Variants in RYR2 observed in about 807,000 individuals in gnomAD.
RYR2 encodes ryanodine receptor 2, also known as cardiac muscle ryanodine receptor-calcium release channel.
Under a neutral mutation model 601.1 loss-of-function variants are expected in RYR2, and 227 were observed. That is an observed-to-expected ratio of 0.38 (90% CI 0.34 to 0.42). RYR2 has a LOEUF of 0.42. Among genes scored for constraint, RYR2 ranks in the 10% least tolerant of loss-of-function variants. The pLI is 1.00. For missense variants in RYR2, 4,646 were observed against 6,156.5 expected (o/e 0.75, Z 8.21); for synonymous variants, 2,223 against 2,175.1 (o/e 1.02, Z -0.61).
intron 29 of RYR2, among the ~76,000 whole-genome samples, chr1:237,572,838 T>C (rs1488272071): frequency 1.3e-5 from 2 of 152,162 alleles, no homozygotes; most frequent in African/African-American, 2.4e-5. Flanking sequence ...TTTTTGGTAC[T>C]GGAATATCTC....
chr1:237,083,076 C>G (rs1297509033), intron 1 of RYR2, among the ~76,000 whole-genome samples: 1 of 152,138 alleles, frequency 6.6e-6, no homozygotes, highest in Admixed American at 6.6e-5. Context: ...CAGTATGGGC[C>G]CACTGTTGCC....
intron 2 of RYR2, among the ~76,000 whole-genome samples, chr1:237,309,008 G>A (rs1319819869): frequency 2.6e-5 from 4 of 152,222 alleles, no homozygotes; most frequent in African/African-American, 9.6e-5. Context: ...ACAGAGCACT[G>A]ATTGGTGCAT....
At chr1:237,569,050 T>C (rs1672384516) in intron 28 of RYR2, 95 bp from the exon 29 acceptor site, 2 of 1,063,688 alleles carry the variant, frequency 1.9e-6, no homozygotes, top group African/African-American at 1.6e-5. Context: ...GTTGTGTTGA[T>C]AGAAGGGACT....
At chr1:237,813,853 A>C (rs914793442) in intron 100 of RYR2, among the ~76,000 whole-genome samples, 1 of 152,198 alleles carries the variant, frequency 6.6e-6, no homozygotes, top group Non-Finnish European at 1.5e-5. Context: ...TAAACTTACT[A>C]TCTTGTCTTT....
At chr1:237,608,265 C>T (rs980083936) in intron 35 of RYR2, among the ~76,000 whole-genome samples, 9 of 152,164 alleles carry the variant, frequency 5.9e-5, no homozygotes, top group Non-Finnish European at 8.8e-5. Context: ...TTTTAGTAGA[C>T]GCCAAGCGAG....
chr1:237,413,376 T>C (rs1704626890), intron 10 of RYR2, among the ~76,000 whole-genome samples: 1 of 152,300 alleles, frequency 6.6e-6, no homozygotes, highest in South Asian at 2.1e-4. Context: ...TCATGTAAAA[T>C]TTTAATAAAA....
intron 2 of RYR2, among the ~76,000 whole-genome samples, chr1:237,272,295 G>T (rs951992578): frequency 6.6e-6 from 1 of 151,482 alleles, no homozygotes; most frequent in Non-Finnish European, 1.5e-5. Context: ...AGGGGCGATA[G>T]AGGCAAAGGA....
chr1:237,486,495 A>C (rs1252147134), intron 17 of RYR2, among the ~76,000 whole-genome samples: 1 of 151,964 alleles, frequency 6.6e-6, no homozygotes, highest in African/African-American at 2.4e-5. Flanking sequence ...AATGAAAATA[A>C]GTTTATATAA....
intron 14 of RYR2, among the ~76,000 whole-genome samples, chr1:237,447,777 C>G (rs1407410484): frequency 6.6e-6 from 1 of 151,126 alleles, no homozygotes; most frequent in Non-Finnish European, 1.5e-5. Flanking sequence ...CCGTCTGTCT[C>G]TCTCTCCTCC....
chr1:237,668,553 G>A (rs1376524162), intron 58 of RYR2, among the ~76,000 whole-genome samples: 3 of 152,190 alleles, frequency 2.0e-5, no homozygotes, highest in African/African-American at 4.8e-5. Flanking sequence ...GTGTGTGCGC[G>A]CATATGCGCT....
At chr1:237,186,743 T>C (rs948579850) in intron 1 of RYR2, among the ~76,000 whole-genome samples, 1 of 152,208 alleles carries the variant, frequency 6.6e-6, no homozygotes, top group African/African-American at 2.4e-5. Context: ...TGATTGACTG[T>C]TGAAAACAGA....
At chr1:237,460,679 AC>A (rs1464618507) in intron 16 of RYR2, among the ~76,000 whole-genome samples, 10 of 152,102 alleles carry the variant, frequency 6.6e-5, no homozygotes, top group Non-Finnish European at 1.2e-4. Context: ...TGTATTAAAA[AC>A]CAGTGGAACT....
chr1:237,606,758 T>C lies in RYR2; in HGVS notation c.4684-4004T>C, dbSNP rs538348301. On this transcript the variant is annotated intron_variant, in intron 35 of 104. Transcript: ENST00000366574. The stretch of plus-strand genomic sequence containing the variant: ...AAAAACAAACAACCCCATCAAAAAG[T>C]GGACAAAGGATATGAACAGACACTT... 1.4e-4 allele frequency among the ~76,000 whole-genome samples: 21 copies of C among 152,132 alleles called. No individual in the cohort carries two copies. In the South Asian group the frequency reaches 4.2e-3, roughly 30 times the overall value.
chr1:237,742,184 G>T, intron 79 of RYR2, 112 bp from the exon 80 acceptor site: 1 of 709,724 alleles, frequency 1.4e-6, no homozygotes, highest in Admixed American at 2.8e-5. Context: ...TTTAAACAAG[G>T]TTGATGATAA....
At chr1:237,729,557 C>G (rs1009493661) in intron 76 of RYR2, among the ~76,000 whole-genome samples, 4 of 152,196 alleles carry the variant, frequency 2.6e-5, no homozygotes, top group Non-Finnish European at 4.4e-5. Context: ...ATGGCACCGT[C>G]TCTCATTCTA....
rs757447148 is a variant in RYR2, at chr1:237,757,789, A to G, written c.11325+13A>G. On this transcript the variant is annotated intron_variant, in intron 82 of 104. Coordinates refer to ENST00000366574, the MANE Select transcript of RYR2 (RefSeq NM_001035.3). ...CACAGTACAGCAGGTAACAGCTTCCAGTCATTCATATAATGTACTTTTCAG... is the reference window on the plus strand; with the variant it reads ...CACAGTACAGCAGGTAACAGCTTCCGGTCATTCATATAATGTACTTTTCAG... The G allele has an allele frequency of 3.3e-6, 5 of 1,517,310 alleles. No homozygotes were observed. In the South Asian group the frequency reaches 5.6e-5, roughly 17 times the overall value. 94.0% of individuals were successfully genotyped at this position (1,517,310 alleles called of 1,614,324 possible).
At position 237,441,501 on chromosome 1, in the gene RYR2, A is replaced by G; in HGVS notation, c.1170+18A>G. On this transcript the variant is annotated intron_variant, in intron 13 of 104. Transcript: ENST00000366574. The stretch of plus-strand genomic sequence containing the variant: ...AACGTAAGGTAAGGTGATAGAAAAA[A>G]ACATAATTTATAGAAGTAATTTTTT... 1 of 1,446,834 alleles carries G rather than the reference A, an allele frequency of 6.9e-7. No individual in the cohort carries two copies. Among genetic ancestry groups the G allele is most frequent in the Non-Finnish European group, 9.2e-7 (1 of 1,092,760 alleles). The allele number at this position is 1,446,834 out of a possible 1,614,324, so 89.6% of individuals were successfully genotyped here.
chr1:237,590,505 A>G, intron 30 of RYR2, 135 bp from the exon 31 acceptor site: 1 of 643,508 alleles, frequency 1.6e-6, no homozygotes, highest in South Asian at 2.8e-5. Context: ...AATCTGTTTA[A>G]TCATCTCTTA....
At chr1:237,356,839 C>CA (rs1383455892) in intron 4 of RYR2, among the ~76,000 whole-genome samples, 2 of 152,184 alleles carry the variant, frequency 1.3e-5, no homozygotes, top group African/African-American at 4.8e-5. Flanking sequence ...GAGTGCAAAA[C>CA]AGTGAGGCTT....
Sources: allele counts gnomAD v4.1 joint callset (sites outside exome capture counted in the v4.1 genomes callset), GRCh38; gene constraint gnomAD v4.1.1; transcripts MANE v1.5; gene names NCBI Gene and HGNC (gene_info 2026-07-23, HGNC 2026-07-21).